The following PTPRD variants were observed in gnomAD, a reference collection of about 807,000 sequenced individuals.
PTPRD encodes the protein receptor-type tyrosine-protein phosphatase delta.
Under a neutral mutation model 214.5 loss-of-function variants are expected in PTPRD, and 34 were observed. The observed-to-expected ratio is 0.16, with a 90% CI of 0.12 to 0.21. The LOEUF is 0.21. Among genes scored for constraint, PTPRD ranks in the 10% least tolerant of loss-of-function variants. The pLI is 1.00. For synonymous variants in PTPRD, 1,128 were observed against 845.7 expected (o/e 1.33, Z -5.79); for missense variants, 2,545 against 2,398.7 (o/e 1.06, Z -1.27).
rs367593884 is a variant in PTPRD at position 8,462,089 on chromosome 9, T to A, written c.3715-1518A>T. 7.9e-5 allele frequency among the ~76,000 whole-genome samples: 12 copies of A among 152,076 alleles called. No individual in the cohort carries two copies. In the East Asian group the frequency reaches 1.2e-3, roughly 15 times the overall value. ...AATGTTCCTAAACTCAGATACTCTATGAAATCCCAGATCTTCATTTCCAAT... is the reference window on the plus strand; with the variant it reads ...AATGTTCCTAAACTCAGATACTCTAAGAAATCCCAGATCTTCATTTCCAAT... On this transcript the variant is annotated intron_variant, in intron 32 of 45. Transcript: ENST00000381196.
intron 3 of PTPRD, among the ~76,000 whole-genome samples, chr9:10,132,150 G>A (rs749295453): frequency 9.2e-5 from 14 of 151,874 alleles, no homozygotes; most frequent in Non-Finnish European, 1.9e-4. Flanking sequence ...AAGACATTGG[G>A]TAATTTGTGA....
intron 9 of PTPRD, among the ~76,000 whole-genome samples, chr9:9,280,397 A>C (rs1412232448): frequency 2.0e-5 from 3 of 151,310 alleles, no homozygotes; most frequent in African/African-American, 4.8e-5. Context: ...TCTACAAAAA[A>C]ACTCTTCCTG....
At chr9:8,578,942 A>G (rs920749195) in intron 14 of PTPRD, among the ~76,000 whole-genome samples, 3 of 152,190 alleles carry the variant, frequency 2.0e-5, no homozygotes, top group African/African-American at 4.8e-5. Context: ...TACTTCTGTC[A>G]CTGATCTCAA....
chr9:9,394,006 A>C (rs1166807301), intron 9 of PTPRD, among the ~76,000 whole-genome samples: 1 of 152,158 alleles, frequency 6.6e-6, no homozygotes, highest in African/African-American at 2.4e-5. Context: ...CCACGGAGAA[A>C]ATCAACCTTT....
chr9:9,031,472 G>C (rs910639674), intron 10 of PTPRD, among the ~76,000 whole-genome samples: 1 of 151,982 alleles, frequency 6.6e-6, no homozygotes, highest in African/African-American at 2.4e-5. Context: ...ATTGAATACT[G>C]TAGTCAATTG....
At chr9:8,511,268 A>C (rs967136818) in intron 21 of PTPRD, among the ~76,000 whole-genome samples, 1 of 151,990 alleles carries the variant, frequency 6.6e-6, no homozygotes, top group Non-Finnish European at 1.5e-5. Context: ...ACAGGGTCTC[A>C]ATATGTTGCA....
chr9:8,790,722 C>T (rs969393453), intron 11 of PTPRD, among the ~76,000 whole-genome samples: 1 of 147,986 alleles, frequency 6.8e-6, no homozygotes, highest in African/African-American at 2.5e-5. Flanking sequence ...CAAAATATTA[C>T]ATTAGATACA....
chr9:9,504,875 A>G (rs1233791562), intron 8 of PTPRD, among the ~76,000 whole-genome samples: 2 of 151,730 alleles, frequency 1.3e-5, no homozygotes, highest in Non-Finnish European at 3.0e-5. Context: ...GTAAATTAAA[A>G]AACAATTCTA....
intron 11 of PTPRD, among the ~76,000 whole-genome samples, chr9:8,808,221 T>C (rs1398338013): frequency 6.6e-6 from 1 of 152,176 alleles, no homozygotes; most frequent in East Asian, 1.9e-4. Context: ...ACCACTGGAA[T>C]AGAGGTTTCT....
At chr9:10,306,203 A>G (rs2154411580) in intron 3 of PTPRD, among the ~76,000 whole-genome samples, 1 of 149,312 alleles carries the variant, frequency 6.7e-6, no homozygotes, top group East Asian at 2.1e-4. Context: ...GTTCCCACTC[A>G]TAAGTGGGAG....
intron 5 of PTPRD, among the ~76,000 whole-genome samples, chr9:9,882,455 TAGG>T (rs2069081528): frequency 1.3e-5 from 2 of 152,166 alleles, no homozygotes; most frequent in Non-Finnish European, 2.9e-5. Context: ...CCCACCATTC[TAGG>T]CTTGAGGATG....
chr9:9,329,640 G>C (rs1306971804), intron 9 of PTPRD, among the ~76,000 whole-genome samples: 1 of 152,120 alleles, frequency 6.6e-6, no homozygotes, highest in African/African-American at 2.4e-5. Flanking sequence ...CCCAAGGAGG[G>C]AGCTAGAGAG....
chr9:10,136,010 C>A (rs556702351), intron 3 of PTPRD, among the ~76,000 whole-genome samples: 1 of 150,874 alleles, frequency 6.6e-6, no homozygotes, highest in Admixed American at 6.7e-5. Flanking sequence ...GTAATGACAC[C>A]CACAGGCTGA....
chr9:10,195,098 A>ATTTTTTTTTTTTTTTTTT (rs34900305), intron 3 of PTPRD, among the ~76,000 whole-genome samples: 2 of 97,908 alleles, frequency 2.0e-5, no homozygotes, highest in Non-Finnish European at 3.8e-5. Flanking sequence ...ATACCCGGCT[A>ATTTTTTTTTTTTTTTTTT]TTTTTTTTTT....
intron 8 of PTPRD, among the ~76,000 whole-genome samples, chr9:9,488,495 C>G (rs1464290144): frequency 6.6e-6 from 1 of 152,136 alleles, no homozygotes; most frequent in Non-Finnish European, 1.5e-5. Context: ...ACTCAGCTTC[C>G]TGAGTTCAGA....
In PTPRD at chr9:9,204,677, T is replaced by C. The variant is rs1051042682; in HGVS notation, c.-202-21314A>G. ...CAATTCAATGATGGTTTTAAATTGA[T>C]GGTCCTGTTAAATGCAACTGAAAAG... On this transcript the variant is annotated intron_variant, in intron 9 of 45. Coordinates refer to ENST00000381196, the MANE Select transcript of PTPRD (RefSeq NM_002839.4). Among the ~76,000 whole-genome samples the C allele has an allele frequency of 3.9e-5, 6 of 152,200 alleles. No homozygotes were observed. The South Asian group carries it at 1.0e-3, about 26-fold the overall frequency.
intron 4 of PTPRD, among the ~76,000 whole-genome samples, chr9:9,998,561 A>G (rs569540577): frequency 2.1e-4 from 1 of 4,742 alleles, no homozygotes; most frequent in African/African-American, 8.3e-4. Context: ...CTACTAGTCA[A>G]AAAAAAAAAA....
intron 11 of PTPRD, among the ~76,000 whole-genome samples, chr9:8,858,850 GAC>G (rs369671688): frequency 7.1e-6 from 1 of 141,170 alleles, no homozygotes; most frequent in Non-Finnish European, 1.6e-5. Flanking sequence ...CAGACACACA[GAC>G]ACACACACAC....
intron 3 of PTPRD, among the ~76,000 whole-genome samples, chr9:10,131,428 A>T (rs1390128171): frequency 6.6e-6 from 1 of 152,188 alleles, no homozygotes; most frequent in Non-Finnish European, 1.5e-5. Flanking sequence ...CAAGTGCTTA[A>T]CAAATATTGT....
Sources: allele counts gnomAD v4.1 joint callset (sites outside exome capture counted in the v4.1 genomes callset), GRCh38; gene constraint gnomAD v4.1.1; transcripts MANE v1.5; gene names NCBI Gene and HGNC (gene_info 2026-07-23, HGNC 2026-07-21).